The following LHCGR variants were observed in gnomAD, a reference collection of about 807,000 sequenced individuals.
LHCGR encodes the protein lutropin-choriogonadotropic hormone receptor.
A neutral mutation model predicts 60.7 loss-of-function variants in LHCGR; 55 were observed. The observed-to-expected ratio is 0.91, with a 90% confidence interval of 0.73 to 1.13. LHCGR has a LOEUF of 1.13. Among genes scored for constraint, LHCGR ranks in the 50% most tolerant of loss-of-function variants. The pLI, the probability that LHCGR is intolerant of heterozygous loss-of-function variation, is 0.00. For missense variants in LHCGR, 862 were observed against 836.0 expected, an observed-to-expected ratio of 1.03 and a Z score of -0.38; for synonymous variants, 337 against 316.5, an observed-to-expected ratio of 1.06 and a Z score of -0.69.
At chr2:48,695,988 A>G (rs1382063430) in intron 9 of LHCGR, among the ~76,000 whole-genome samples, 2 of 152,006 alleles carry the variant, frequency 1.3e-5, no homozygotes, top group Non-Finnish European at 2.9e-5. Flanking sequence ...TGGTACATGT[A>G]CCCCCTGTAT....
intron 8 of LHCGR, among the ~76,000 whole-genome samples, chr2:48,704,313 G>A (rs1011854930): frequency 1.3e-5 from 2 of 152,116 alleles, no homozygotes; most frequent in African/African-American, 4.8e-5. Context: ...GAGGATTTTC[G>A]CATCGATGTT....
intron 9 of LHCGR, among the ~76,000 whole-genome samples, chr2:48,695,002 C>A (rs980996357): frequency 1.3e-5 from 2 of 152,078 alleles, no homozygotes; most frequent in African/African-American, 4.8e-5. Flanking sequence ...TTGTTTTTCT[C>A]ATTGTGGTTT....
At chr2:48,752,180 G>A (rs949675075) in intron 1 of LHCGR, among the ~76,000 whole-genome samples, 1 of 152,186 alleles carries the variant, frequency 6.6e-6, no homozygotes, top group Admixed American at 6.5e-5. Flanking sequence ...TATGAAAGGG[G>A]AGGAAAAATT....
At chr2:48,727,903 AG>A (rs1440765612) in intron 3 of LHCGR, among the ~76,000 whole-genome samples, 10 of 152,196 alleles carry the variant, frequency 6.6e-5, no homozygotes, top group Non-Finnish European at 1.3e-4. Flanking sequence ...GGTCATTTAT[AG>A]GGGGACCCTG....
chr2:48,741,348 A>G (rs1184870304), intron 1 of LHCGR, among the ~76,000 whole-genome samples: 3 of 152,208 alleles, frequency 2.0e-5, no homozygotes, highest in East Asian at 1.9e-4. Flanking sequence ...GAATGCCACA[A>G]AGATACTCCT....
intron 6 of LHCGR, among the ~76,000 whole-genome samples, chr2:48,716,825 T>A (rs1340005667): frequency 2.0e-5 from 3 of 152,204 alleles, no homozygotes; most frequent in African/African-American, 2.4e-5. Flanking sequence ...TTTCTTAGAC[T>A]CTTGCCCGGT....
chr2:48,723,445 A>T lies in LHCGR; in HGVS notation c.536+11T>A. On this transcript the variant is annotated intron_variant, in intron 6 of 10. Coordinates refer to ENST00000294954, the MANE Select transcript of LHCGR (RefSeq NM_000233.4). ...CTGTATGGCAGAACACAAATCTGGG[A>T]GTTTACTCACAGTGTTACAGATTCA... The T allele has an allele frequency of 6.3e-7, 1 of 1,584,322 alleles. No individual in the cohort carries two copies. Among genetic ancestry groups the T allele is most frequent in the Non-Finnish European group, 8.7e-7 (1 of 1,152,956 alleles).
At chr2:48,707,697 C>T (rs962461683) in intron 8 of LHCGR, among the ~76,000 whole-genome samples, 1 of 152,242 alleles carries the variant, frequency 6.6e-6, no homozygotes, top group African/African-American at 2.4e-5. Flanking sequence ...CATAAAACCA[C>T]CTACTCAAGC....
At chr2:48,699,132 T>C (rs1360771710) in intron 8 of LHCGR, among the ~76,000 whole-genome samples, 2 of 152,166 alleles carry the variant, frequency 1.3e-5, no homozygotes, top group Non-Finnish European at 2.9e-5. Flanking sequence ...CCATATTTTA[T>C]ACATTTTATT....
intron 8 of LHCGR, among the ~76,000 whole-genome samples, chr2:48,704,399 C>G (rs947395720): frequency 5.9e-5 from 9 of 152,164 alleles, no homozygotes; most frequent in Non-Finnish European, 1.3e-4. Flanking sequence ...TGATGCTGGC[C>G]TCATAGAATG....
chr2:48,687,606 A>T lies in LHCGR; in HGVS notation c.*91T>A, dbSNP rs1679955442. ...GTACCTAAAAATAAATAATTTCCTA[A>T]ATCCAACCCTTTATGTTAAAATTAC... On this transcript the variant is annotated 3_prime_UTR_variant, in exon 11 of 11. Coordinates refer to ENST00000294954, the MANE Select transcript of LHCGR (RefSeq NM_000233.4). 8.1e-6 allele frequency: 9 copies of T among 1,109,708 alleles called. No individual in the cohort carries two copies. Among genetic ancestry groups the T allele is most frequent in the Non-Finnish European group, 9.5e-6 (7 of 734,470 alleles). 68.7% of individuals were successfully genotyped at this position (1,109,708 alleles called of 1,614,324 possible). A position where few individuals can be genotyped will look rare whatever the true frequency, so the allele number is the denominator to read the frequency against.
chr2:48,712,194 C>A (rs1453471307), intron 7 of LHCGR, among the ~76,000 whole-genome samples: 1 of 152,012 alleles, frequency 6.6e-6, no homozygotes, highest in Non-Finnish European at 1.5e-5. Context: ...GACTTTACCT[C>A]TCTCTGGGGA....
At chr2:48,722,851 T>G (rs1391555725) in intron 6 of LHCGR, among the ~76,000 whole-genome samples, 1 of 152,174 alleles carries the variant, frequency 6.6e-6, no homozygotes, top group African/African-American at 2.4e-5. Flanking sequence ...TGGCTCATAG[T>G]TTGAATAGTG....
At chr2:48,731,504 T>C (rs2103632225) in intron 1 of LHCGR, among the ~76,000 whole-genome samples, 1 of 152,228 alleles carries the variant, frequency 6.6e-6, no homozygotes, top group African/African-American at 2.4e-5. Flanking sequence ...AGTGTATAAT[T>C]TTGCGGTTAA....
intron 1 of LHCGR, among the ~76,000 whole-genome samples, chr2:48,752,981 C>CGGGGGGGGGGGGG (rs60837194): frequency 5.3e-4 from 4 of 7,616 alleles, no homozygotes; most frequent in African/African-American, 3.3e-3. Context: ...CGGATTTTGG[C>CGGGGGGGGGGGGG]GGGGGGGGGG....
At chr2:48,717,200 G>A in intron 6 of LHCGR, among the ~76,000 whole-genome samples, 1 of 152,210 alleles carries the variant, frequency 6.6e-6, no homozygotes, top group East Asian at 1.9e-4. Flanking sequence ...GCTGCTAACA[G>A]TTGTCTAGAT....
chr2:48,746,706 A>G (rs1362775881), intron 1 of LHCGR, among the ~76,000 whole-genome samples: 1 of 152,238 alleles, frequency 6.6e-6, no homozygotes, highest in Admixed American at 6.5e-5. Context: ...TCAGAGGAAA[A>G]TGGTAAGTAT....
intron 6 of LHCGR, among the ~76,000 whole-genome samples, chr2:48,722,136 G>A (rs1024732414): frequency 1.3e-5 from 2 of 152,194 alleles, no homozygotes; most frequent in East Asian, 1.9e-4. Context: ...GTGACAGAGC[G>A]AGACTCAGTT....
At chr2:48,701,807 G>A (rs553028209) in intron 8 of LHCGR, among the ~76,000 whole-genome samples, 64 of 152,338 alleles carry the variant, frequency 4.2e-4, no homozygotes, top group African/African-American at 1.4e-3. Flanking sequence ...GTTCATAAGA[G>A]TTAGTGAATA....
Sources: allele counts gnomAD v4.1 joint callset (sites outside exome capture counted in the v4.1 genomes callset), GRCh38; gene constraint gnomAD v4.1.1; transcripts MANE v1.5; gene names NCBI Gene and HGNC (gene_info 2026-07-23, HGNC 2026-07-21).